The following DAP variants were observed in gnomAD, a reference collection of about 807,000 sequenced individuals.
DAP encodes death-associated protein 1.
In DAP, 8 loss-of-function variants were observed where a neutral mutation model predicts 13.8. The ratio of observed to expected loss-of-function variants is 0.58; its 90% CI spans 0.34 to 1.05. DAP has a LOEUF of 1.05. DAP is among the 50% of genes least tolerant of loss of function. The pLI is 0.03. For synonymous variants in DAP, 47 were observed against 47.5 expected, an observed-to-expected ratio of 0.99 and a Z score of 0.04; for missense variants, 106 against 133.2, an observed-to-expected ratio of 0.80 and a Z score of 1.01.
chr5:10,699,300 TG>T lies in DAP; in HGVS notation c.153-15730del, dbSNP rs1238050490. Among the ~76,000 whole-genome samples, 7 of 152,366 alleles carry T rather than the reference TG, an allele frequency of 4.6e-5. No homozygotes were observed. The East Asian group carries it at 9.6e-4, about 21-fold the overall frequency. On this transcript the variant is annotated intron_variant, in intron 2 of 3. Coordinates refer to ENST00000230895, the MANE Select transcript of DAP (RefSeq NM_004394.3). ...CTCTGGAGCATCTCCTACTTTTTCC[TG>T]CCTGTCCAGTTGCTGGAGGGACATA...
At chr5:10,737,385 C>CA (rs1441651339) in intron 2 of DAP, among the ~76,000 whole-genome samples, 4 of 149,020 alleles carry the variant, frequency 2.7e-5, no homozygotes, top group Non-Finnish European at 4.5e-5. Flanking sequence ...ACAACAACAA[C>CA]AAAAAAAACT....
chr5:10,718,113 A>G (rs1739039981), intron 2 of DAP, among the ~76,000 whole-genome samples: 1 of 152,210 alleles, frequency 6.6e-6, no homozygotes, highest in African/African-American at 2.4e-5. Flanking sequence ...GCTTTTTACC[A>G]GAGTAACTGT....
At chr5:10,691,030 T>C (rs569082994) in intron 2 of DAP, among the ~76,000 whole-genome samples, 2 of 152,364 alleles carry the variant, frequency 1.3e-5, no homozygotes, top group Non-Finnish European at 2.9e-5. Flanking sequence ...GTGGTTTAGA[T>C]TTAGCAACTA....
chr5:10,710,893 T>C (rs1738831581), intron 2 of DAP, among the ~76,000 whole-genome samples: 1 of 152,156 alleles, frequency 6.6e-6, no homozygotes, highest in Admixed American at 6.5e-5. Context: ...AATACCAAGC[T>C]GAGCCAGGGG....
intron 2 of DAP, among the ~76,000 whole-genome samples, chr5:10,739,251 C>A (rs74679480): frequency 2.2e-5 from 3 of 139,162 alleles, no homozygotes; most frequent in Admixed American, 7.2e-5. Flanking sequence ...GGAGGAGCAG[C>A]AAGTGTGGTG....
intron 2 of DAP, among the ~76,000 whole-genome samples, chr5:10,735,564 T>C (rs1228654655): frequency 6.6e-6 from 1 of 152,222 alleles, no homozygotes; most frequent in Non-Finnish European, 1.5e-5. Context: ...GCAGTGCACA[T>C]GTATACTTTT....
At chr5:10,699,231 A>C (rs1327208408) in intron 2 of DAP, among the ~76,000 whole-genome samples, 3 of 152,206 alleles carry the variant, frequency 2.0e-5, no homozygotes, top group Non-Finnish European at 4.4e-5. Flanking sequence ...TACGGTGTTT[A>C]TAAGTATCAA....
intron 2 of DAP, among the ~76,000 whole-genome samples, chr5:10,688,326 CTG>C (rs1401253602): frequency 6.6e-6 from 1 of 152,198 alleles, no homozygotes; most frequent in African/African-American, 2.4e-5. Flanking sequence ...AACAAAAAGA[CTG>C]AGCCTCACTG....
intron 2 of DAP, chr5:10,733,736 A>C (rs963197120): frequency 6.6e-6 from 1 of 152,264 alleles, no homozygotes; most frequent in Non-Finnish European, 1.5e-5. Flanking sequence ...CATGGCTACT[A>C]CTGCATTCAC....
intron 1 of DAP, among the ~76,000 whole-genome samples, chr5:10,754,595 T>C (rs1335276839): frequency 6.6e-6 from 1 of 152,090 alleles, no homozygotes; most frequent in Admixed American, 6.5e-5. Flanking sequence ...AAGGACAAAA[T>C]GAGTACTGAC....
chr5:10,738,015 G>T (rs913664116), intron 2 of DAP, among the ~76,000 whole-genome samples: 2 of 152,228 alleles, frequency 1.3e-5, no homozygotes, highest in African/African-American at 4.8e-5. Context: ...CAAGCCAGGG[G>T]ATGCCAGAGA....
At chr5:10,705,425 C>T (rs569474287) in intron 2 of DAP, among the ~76,000 whole-genome samples, 1 of 152,344 alleles carries the variant, frequency 6.6e-6, no homozygotes, top group African/African-American at 2.4e-5. Flanking sequence ...CACTGGGTCA[C>T]GTGCTGTTTG....
At chr5:10,688,829 C>T (rs1176586817) in intron 2 of DAP, among the ~76,000 whole-genome samples, 3 of 151,700 alleles carry the variant, frequency 2.0e-5, no homozygotes, top group Admixed American at 6.5e-5. Flanking sequence ...AGCAGTAGGG[C>T]GCCAGCCTGG....
chr5:10,733,155 CGTGT>C (rs55645932), intron 2 of DAP, among the ~76,000 whole-genome samples: 18,362 of 127,930 alleles, frequency 0.14, 1,198 homozygotes, highest in East Asian at 0.19. Context: ...AATATTCCTG[CGTGT>C]GTGTGTGTGT....
intron 2 of DAP, among the ~76,000 whole-genome samples, chr5:10,722,578 A>ATAC (rs1491563091): frequency 6.9e-6 from 1 of 144,954 alleles, no homozygotes; most frequent in Non-Finnish European, 1.5e-5. Flanking sequence ...ACATACATAC[A>ATAC]TATATATACA....
chr5:10,710,215 T>C (rs914091174), intron 2 of DAP, among the ~76,000 whole-genome samples: 4 of 152,334 alleles, frequency 2.6e-5, no homozygotes, highest in African/African-American at 7.2e-5. Flanking sequence ...TCTGAGGGCC[T>C]GCTTTTGGCC....
At chr5:10,726,250 G>C (rs1414921519) in intron 2 of DAP, among the ~76,000 whole-genome samples, 2 of 152,214 alleles carry the variant, frequency 1.3e-5, no homozygotes, top group Admixed American at 6.5e-5. Flanking sequence ...CACCCACAGT[G>C]AAAGAATAAA....
chr5:10,722,558 G>T (rs1427010848), intron 2 of DAP, among the ~76,000 whole-genome samples: 1 of 136,642 alleles, frequency 7.3e-6, no homozygotes, highest in African/African-American at 2.9e-5. Context: ...ACATATACAT[G>T]CATATATATA....
intron 2 of DAP, among the ~76,000 whole-genome samples, chr5:10,685,897 T>C (rs2126635132): frequency 6.6e-6 from 1 of 152,118 alleles, no homozygotes; most frequent in South Asian, 2.1e-4. Context: ...AGTAATTATA[T>C]ACATATATAA....
Sources: allele counts gnomAD v4.1 joint callset (sites outside exome capture counted in the v4.1 genomes callset), GRCh38; gene constraint gnomAD v4.1.1; transcripts MANE v1.5; gene names NCBI Gene and HGNC (gene_info 2026-07-23, HGNC 2026-07-21).